CFAP92: variants seen among roughly 807,000 people sequenced by gnomAD.
CFAP92 encodes the protein cilia and flagella associated protein 92 (putative).
Under a neutral mutation model 106.3 loss-of-function variants are expected in CFAP92, and 86 were observed. The observed-to-expected ratio is 0.81, with a 90% CI of 0.68 to 0.97. CFAP92 has a LOEUF of 0.97. Among genes scored for constraint, CFAP92 ranks in the 50% least tolerant of loss-of-function variants. The probability of loss-of-function intolerance (pLI) is 0.00; values close to 1 mark genes in which losing one functional copy is unlikely to be tolerated. For synonymous variants in CFAP92, 477 were observed against 506.4 expected, an observed-to-expected ratio of 0.94 and a Z score of 0.78; for missense variants, 1,204 against 1,283.8, an observed-to-expected ratio of 0.94 and a Z score of 0.95.
intron 10 of CFAP92, among the ~76,000 whole-genome samples, chr3:128,943,387 T>G (rs1204041145): frequency 1.3e-5 from 2 of 152,108 alleles, no homozygotes; most frequent in African/African-American, 4.8e-5. Context: ...TGGTTATCCC[T>G]GGCAACCACC....
At chr3:128,937,194 G>A (rs891675446) in intron 10 of CFAP92, among the ~76,000 whole-genome samples, 9 of 151,722 alleles carry the variant, frequency 5.9e-5, no homozygotes, top group Non-Finnish European at 1.0e-4. Flanking sequence ...CTAGCTGCCT[G>A]GGAGGCTGAG....
At chr3:129,001,023 C>T (rs181821043) in intron 1 of CFAP92, among the ~76,000 whole-genome samples, 5 of 152,328 alleles carry the variant, frequency 3.3e-5, no homozygotes, top group African/African-American at 4.8e-5. Flanking sequence ...TGAATTGAAG[C>T]GGAGGGGAGG....
chr3:128,952,064 T>C (rs184913170), intron 9 of CFAP92, among the ~76,000 whole-genome samples: 1 of 152,160 alleles, frequency 6.6e-6, no homozygotes, highest in African/African-American at 2.4e-5. Flanking sequence ...ACAGGCCTGC[T>C]ACACATGCAG....
chr3:128,929,026 C>T (rs546698451), intron 12 of CFAP92, among the ~76,000 whole-genome samples: 6 of 152,188 alleles, frequency 3.9e-5, no homozygotes, highest in African/African-American at 1.2e-4. Context: ...GGGAAGCCAA[C>T]GTGGGAGGAC....
chr3:128,916,131 C>A lies in CFAP92; in HGVS notation c.2892G>T (p.Lys964Asn), dbSNP rs888887471. 7.3e-6 allele frequency: 9 copies of A among 1,232,212 alleles called. No individual in the cohort carries two copies. Among genetic ancestry groups the A allele is most frequent in the Non-Finnish European group, 9.1e-6 (9 of 988,004 alleles). 76.3% of individuals were successfully genotyped at this position (1,232,212 alleles called of 1,614,324 possible). ...QTMNSTELAK[K>N]ELYQEIAKEP... ...CCTTGGCTATCTCTTGATACAGCTC[C>A]TTCTTGGCAAGCTCTGTAGAATTCA... is the stretch of plus-strand genomic sequence containing the variant. Residue 964 changes from lysine (K) to asparagine (N), a missense_variant, in exon 13 of 16, where the codon AAG becomes AAT. Transcript: ENST00000645291.
chr3:129,002,981 G>A (rs1166696118), upstream of CFAP92, among the ~76,000 whole-genome samples: 2 of 152,160 alleles, frequency 1.3e-5, no homozygotes, highest in African/African-American at 4.8e-5. Flanking sequence ...TCTGGGAGCC[G>A]TCGACAAACA....
chr3:129,000,383 T>C (rs1944666365), intron 1 of CFAP92, among the ~76,000 whole-genome samples: 1 of 152,230 alleles, frequency 6.6e-6, no homozygotes, highest in Non-Finnish European at 1.5e-5. Flanking sequence ...TGGGATACTG[T>C]GGCAGAGGAG....
chr3:128,922,313 A>T (rs1937358956), intron 12 of CFAP92, among the ~76,000 whole-genome samples: 1 of 151,984 alleles, frequency 6.6e-6, no homozygotes, highest in South Asian at 2.1e-4. Context: ...ACTGCACTCC[A>T]GCCTGGGCAA....
chr3:128,933,365 C>T (rs557332704), intron 11 of CFAP92, among the ~76,000 whole-genome samples: 3 of 152,132 alleles, frequency 2.0e-5, no homozygotes, highest in Non-Finnish European at 2.9e-5. Context: ...CATCATACAC[C>T]GAGCCTCAGG....
At chr3:128,975,477 A>T (rs1943092145) in intron 7 of CFAP92, among the ~76,000 whole-genome samples, 1 of 151,048 alleles carries the variant, frequency 6.6e-6, no homozygotes, top group Non-Finnish European at 1.5e-5. Flanking sequence ...GGATGAATAA[A>T]TGGAATGGGT....
rs746801091 is a variant in CFAP92, at chr3:128,915,409, G to T, written c.3071C>A (p.Thr1024Asn). ...GFQVTGLQSD[T>N]ESSFQDLKLP... ...CTTGAGATCCTGAAAGCTGCTTTCG[G>T]TGTCGCTCTGAAGACCTGTCACTTG... Residue 1024 changes from threonine to asparagine, a missense_variant, in exon 14 of 16, where the codon ACC becomes AAC. Thr to Asn is a moderately conservative substitution (Grantham distance 65). Transcript: ENST00000645291. The T allele has an allele frequency of 2.6e-6, 4 of 1,535,994 alleles. No individual in the cohort carries two copies. The African/African-American group carries it at 5.5e-5, about 21-fold the overall frequency.
intron 12 of CFAP92, among the ~76,000 whole-genome samples, chr3:128,930,825 A>G (rs1938281720): frequency 6.6e-6 from 1 of 152,204 alleles, no homozygotes; most frequent in African/African-American, 2.4e-5. Context: ...AAATGAATAT[A>G]TATTCTTGTA....
At chr3:128,920,162 G>A (rs938254808) in intron 12 of CFAP92, among the ~76,000 whole-genome samples, 23 of 152,214 alleles carry the variant, frequency 1.5e-4, no homozygotes, top group African/African-American at 5.5e-4. Flanking sequence ...ACAGCACTTT[G>A]GGAGGCTGAG....
intron 10 of CFAP92, among the ~76,000 whole-genome samples, chr3:128,941,126 A>G (rs776798791): frequency 2.6e-5 from 4 of 152,126 alleles, no homozygotes; most frequent in Non-Finnish European, 5.9e-5. Flanking sequence ...GATGTCTTTC[A>G]CATCTTTTTG....
At position 128,993,271 on chromosome 3, in the gene CFAP92, G is replaced by A. The variant is rs1205336955; in HGVS notation, c.34C>T (p.Pro12Ser). The A allele has an allele frequency of 1.2e-6, 2 of 1,613,780 alleles. No individual in the cohort carries two copies. The highest frequency in any genetic ancestry group is 1.7e-6 in the Non-Finnish European group (2 of 1,179,836). Residue 12 changes from proline to serine, a missense_variant, in exon 2 of 16, where the codon CCC (proline) becomes TCC (serine). Physicochemically the swap from Pro to Ser is moderately conservative, Grantham distance 74 (BLOSUM62 -1). Transcript: ENST00000645291. ...SLHAWEWEED[P>S]ASIEPISSIT... ...GAGGAGATGGGCTCTATGCTTGCGGGGTCCTCTTCCCACTCCCAGGCATGT... is the reference window on the plus strand; with the variant it reads ...GAGGAGATGGGCTCTATGCTTGCGGAGTCCTCTTCCCACTCCCAGGCATGT...
intron 2 of CFAP92, among the ~76,000 whole-genome samples, chr3:128,989,543 GAAGGT>G (rs1240978590): frequency 4.4e-4 from 67 of 152,252 alleles, no homozygotes; most frequent in Non-Finnish European, 5.9e-4. Context: ...ACAGGATGTG[GAAGGT>G]ACAGATGGGC....
intron 9 of CFAP92, among the ~76,000 whole-genome samples, chr3:128,960,531 A>G (rs1941814236): frequency 6.6e-6 from 1 of 152,176 alleles, no homozygotes. Flanking sequence ...GTAGAGACAA[A>G]AGAGACACGT....
intron 9 of CFAP92, among the ~76,000 whole-genome samples, chr3:128,961,396 C>T (rs1012966446): frequency 6.6e-6 from 1 of 152,208 alleles, no homozygotes; most frequent in East Asian, 1.9e-4. Flanking sequence ...GACCTCTCCC[C>T]TCCTCACCAG....
chr3:128,938,727 G>A lies in CFAP92; in HGVS notation c.2259-3408C>T, dbSNP rs970608551. ...CAGGATGGTCTCCATCTCCTGACCT[G>A]GTGATCCGCCCGCCTCAGCCTCCCA... On this transcript the variant is annotated intron_variant, in intron 10 of 15. Transcript: ENST00000645291. Among the ~76,000 whole-genome samples the A allele has an allele frequency of 4.0e-5, 6 of 151,844 alleles. No homozygotes were observed. The East Asian group carries it at 9.7e-4, about 25-fold the overall frequency.
Sources: gnomAD v4.1 joint callset for allele counts (sites outside exome capture counted in the v4.1 genomes callset) on GRCh38, gnomAD v4.1.1 for gene constraint, MANE v1.5 for transcripts, NCBI Gene and HGNC (gene_info 2026-07-23, HGNC 2026-07-21) for gene names.